The following FGF14 variants were observed in gnomAD, a reference collection of about 807,000 sequenced individuals.
The protein encoded by FGF14 is fibroblast growth factor 14.
Under a neutral mutation model 25.5 loss-of-function variants are expected in FGF14, and 5 were observed. That is an observed-to-expected ratio of 0.20 (90% CI 0.10 to 0.41). The LOEUF (loss-of-function observed/expected upper bound fraction) is 0.41. Among genes scored for constraint, FGF14 ranks in the 10% least tolerant of loss-of-function variants. FGF14 has a pLI of 1.00. For missense variants in FGF14, 222 were observed against 320.1 expected (o/e 0.69, Z 2.34); for synonymous variants, 138 against 118.3 (o/e 1.17, Z -1.08).
rs967388443 is a variant in FGF14, at chr13:101,717,018, A to C, written c.*5813T>G. 2.0e-5 allele frequency: 3 copies of C among 151,974 alleles called. No homozygotes were observed. The highest frequency in any genetic ancestry group is 4.8e-5 in the African/African-American group (2 of 41,410). The allele number at this position is 151,974 out of a possible 1,614,324, so 9.4% of individuals were successfully genotyped here. A position where few individuals can be genotyped will look rare whatever the true frequency, so the allele number is the denominator to read the frequency against. ...TTAATTATTTAGAGCTAAAAAAAAAACCACTTTTTTTCTAAAGGTGAATTA... is the reference window on the plus strand; with the variant it reads ...TTAATTATTTAGAGCTAAAAAAAAACCCACTTTTTTTCTAAAGGTGAATTA... On this transcript the variant is annotated 3_prime_UTR_variant, in exon 5 of 5. Transcript: ENST00000376143.
Position 101,946,004 on chromosome 13 carries a change from T to C in FGF14, c.209-70708A>G, listed in dbSNP as rs1594793799. On this transcript the variant is annotated intron_variant, in intron 1 of 4. Transcript: ENST00000376131. The stretch of plus-strand genomic sequence containing the variant: ...TCGTGAAGCCTTAATCAATTCTTAA[T>C]CAAAAATCAATTCTTTCATTTTTTT... 2.0e-5 allele frequency among the ~76,000 whole-genome samples: 3 copies of C among 152,332 alleles called. 1 individual carries two copies. The highest frequency in any genetic ancestry group is 2.0e-4 in the Admixed American group (3 of 15,308).
intron 1 of FGF14, among the ~76,000 whole-genome samples, chr13:102,192,308 C>G (rs953088160): frequency 4.6e-5 from 7 of 152,122 alleles, no homozygotes; most frequent in Non-Finnish European, 8.8e-5. Flanking sequence ...CCCCTTAGTT[C>G]AAATTGACAG....
At chr13:102,307,284 G>A (rs1275418727) in intron 1 of FGF14, among the ~76,000 whole-genome samples, 6 of 152,062 alleles carry the variant, frequency 3.9e-5, no homozygotes, top group South Asian at 4.2e-4. Flanking sequence ...GGAAAGGAAC[G>A]CAGGCCCCTG....
At chr13:101,953,406 G>C (rs1190346002) in intron 1 of FGF14, among the ~76,000 whole-genome samples, 1 of 151,966 alleles carries the variant, frequency 6.6e-6, no homozygotes, top group Non-Finnish European at 1.5e-5. Context: ...TGCTAGGACA[G>C]AGATGAACAA....
At position 101,916,512 on chromosome 13, in the gene FGF14, A is replaced by T; in HGVS notation, c.134T>A (p.Val45Glu). The T allele has an allele frequency of 1.2e-6, 2 of 1,613,858 alleles. No homozygotes were observed. The highest frequency in any genetic ancestry group is 1.7e-6 in the Non-Finnish European group (2 of 1,179,938). ...KNRGLCNGNL[V>E]DIFSKVRIFG... ...GATGCGCACTTTGGAGAAGATATCCACCAGGTTGCCGTTGCAGAGCCCGCG... is the reference window on the plus strand; with the variant it reads ...GATGCGCACTTTGGAGAAGATATCCTCCAGGTTGCCGTTGCAGAGCCCGCG... The change falls in exon 1 of 5, where the codon GTG becomes GAG. Residue 45 changes from valine to glutamate, a missense_variant. This residue lies in a region of FGF14 where 80 missense variants were observed against 72.2 expected (regional missense o/e 1.11). Transcript: ENST00000376143.
At chr13:102,093,192 A>G (rs2044244507) in intron 1 of FGF14, among the ~76,000 whole-genome samples, 1 of 129,848 alleles carries the variant, frequency 7.7e-6, no homozygotes, top group South Asian at 2.3e-4. Context: ...TTAGAAATAT[A>G]TTAAAAAAAA....
chr13:101,813,524 G>C (rs1055365362), intron 3 of FGF14, among the ~76,000 whole-genome samples: 1 of 152,100 alleles, frequency 6.6e-6, no homozygotes, highest in Admixed American at 6.6e-5. Context: ...GCTTGATCTT[G>C]AACTTCCCAG....
At chr13:102,196,667 A>G (rs1050676083) in intron 1 of FGF14, among the ~76,000 whole-genome samples, 20 of 152,240 alleles carry the variant, frequency 1.3e-4, no homozygotes, top group African/African-American at 4.8e-4. Flanking sequence ...TCATCACCTC[A>G]CATATAATTT....
chr13:101,768,837 A>G (rs772536498), intron 3 of FGF14, among the ~76,000 whole-genome samples: 1 of 152,180 alleles, frequency 6.6e-6, no homozygotes, highest in Non-Finnish European at 1.5e-5. Context: ...CACGTAAATA[A>G]ATGTAAAATG....
At chr13:102,287,024 T>A (rs1182018964) in intron 1 of FGF14, among the ~76,000 whole-genome samples, 1 of 152,124 alleles carries the variant, frequency 6.6e-6, no homozygotes, top group Non-Finnish European at 1.5e-5. Context: ...ATATACCTAA[T>A]GTAAATGACG....
At chr13:102,258,973 T>C (rs1250597652) in intron 1 of FGF14, among the ~76,000 whole-genome samples, 1 of 152,232 alleles carries the variant, frequency 6.6e-6, no homozygotes, top group Non-Finnish European at 1.5e-5. Context: ...TTTACCTGTA[T>C]GTGTATTTTT....
intron 3 of FGF14, among the ~76,000 whole-genome samples, chr13:101,767,952 C>T (rs140607041): frequency 3.9e-4 from 59 of 152,194 alleles, no homozygotes; most frequent in African/African-American, 1.3e-3. Flanking sequence ...TTCTTGACAG[C>T]TTGAAATAGC....
At chr13:101,827,978 G>C (rs2042476538) in intron 3 of FGF14, among the ~76,000 whole-genome samples, 1 of 150,208 alleles carries the variant, frequency 6.7e-6, no homozygotes, top group African/African-American at 2.4e-5. Flanking sequence ...GCTCACTTTA[G>C]GCATGTCAGG....
chr13:102,134,926 A>G (rs1222971884), intron 1 of FGF14, among the ~76,000 whole-genome samples: 2 of 152,002 alleles, frequency 1.3e-5, no homozygotes, highest in African/African-American at 4.8e-5. Flanking sequence ...GCTCATGCCT[A>G]TAATCCCAGC....
chr13:102,298,590 G>A (rs1356827772), intron 1 of FGF14, among the ~76,000 whole-genome samples: 5 of 151,912 alleles, frequency 3.3e-5, no homozygotes, highest in African/African-American at 4.8e-5. Context: ...GGTAAGTTCC[G>A]GTTTTTATTT....
intron 1 of FGF14, among the ~76,000 whole-genome samples, chr13:102,276,857 A>C (rs529267986): frequency 6.6e-6 from 1 of 152,336 alleles, no homozygotes; most frequent in African/African-American, 2.4e-5. Flanking sequence ...TGTTGCAAAC[A>C]ATAATAGGAT....
rs892996271 is a variant in FGF14 at position 101,714,146 on chromosome 13, C to G, written c.*8685G>C. ...TTTGAATACTTTTTTGGAAGACCAT[C>G]TATAAGAATCAACCCCATCCTGCTC... On this transcript the variant is annotated 3_prime_UTR_variant, in exon 5 of 5. Coordinates refer to ENST00000376143, the MANE Select transcript of FGF14 (RefSeq NM_004115.4). 12 of 295,342 alleles carry G rather than the reference C, an allele frequency of 4.1e-5. No individual in the cohort carries two copies. The highest frequency in any genetic ancestry group is 6.2e-5 in the Non-Finnish European group (10 of 160,964). The allele number at this position is 295,342 out of a possible 1,614,324, so 18.3% of individuals were successfully genotyped here.
rs1332516243 is a variant in FGF14, at chr13:101,984,123, GA to G, written c.209-108828del. Among the ~76,000 whole-genome samples, 6 of 152,172 alleles carry G rather than the reference GA, an allele frequency of 3.9e-5. No individual in the cohort carries two copies. In the East Asian group the frequency reaches 1.2e-3, roughly 29 times the overall value. On this transcript the variant is annotated intron_variant, in intron 1 of 4. Coordinates refer to the FGF14 transcript ENST00000376131. The stretch of plus-strand genomic sequence containing the variant: ...TGCCACTGCTGTGGGAACTAAACAA[GA>G]TGATGTAGGTAAAGTAACTGCTATG...
chr13:101,899,692 T>A (rs1183673144), intron 1 of FGF14, among the ~76,000 whole-genome samples: 3 of 151,936 alleles, frequency 2.0e-5, no homozygotes, highest in African/African-American at 7.2e-5. Flanking sequence ...AAAAGCAATA[T>A]ATTCTGATAT....
Sources: gnomAD v4.1 joint callset for allele counts (sites outside exome capture counted in the v4.1 genomes callset) on GRCh38, gnomAD v4.1.1 for gene constraint, gnomAD v4.1.1 regional missense constraint, MANE v1.5 for transcripts, NCBI Gene and HGNC (gene_info 2026-07-23, HGNC 2026-07-21) for gene names.